TJP2: variants seen among roughly 807,000 people sequenced by gnomAD.
TJP2 encodes tight junction protein 2, also known as Friedreich ataxia region gene X104 (tight junction protein ZO-2).
Under a neutral mutation model 133.1 loss-of-function variants are expected in TJP2, and 91 were observed. That is an observed-to-expected ratio of 0.68 (90% CI 0.58 to 0.81). The LOEUF (loss-of-function observed/expected upper bound fraction) is 0.81, where lower values mean the gene tolerates loss of function less well. Among genes scored for constraint, TJP2 ranks in the 40% least tolerant of loss-of-function variants. TJP2 has a pLI of 0.00. For missense variants in TJP2, 1,541 were observed against 1,565.6 expected (o/e 0.98, Z 0.26); for synonymous variants, 592 against 583.4 (o/e 1.01, Z -0.21).
chr9:69,202,000 T>C (rs963772833), intron 1 of TJP2, among the ~76,000 whole-genome samples: 2 of 152,126 alleles, frequency 1.3e-5, no homozygotes, highest in Non-Finnish European at 2.9e-5. Flanking sequence ...TGAGTTTCAG[T>C]TTTGCAAGAT....
At chr9:69,229,140 T>C (rs1829571452) in intron 9 of TJP2, 44 bp from the exon 10 acceptor site, 2 of 1,569,098 alleles carry the variant, frequency 1.3e-6, no homozygotes, top group African/African-American at 1.4e-5. Flanking sequence ...AAACGCACTC[T>C]TGTTAGTCCA....
upstream of TJP2, chr9:69,121,338 C>T (rs980326595): frequency 6.7e-5 from 66 of 985,400 alleles, no homozygotes; most frequent in Non-Finnish European, 7.7e-5. Context: ...GCTCGCGCGC[C>T]CAGAACCCTC....
intron 1 of TJP2, among the ~76,000 whole-genome samples, chr9:69,135,052 C>T (rs1822670495): frequency 6.6e-5 from 10 of 151,930 alleles, no homozygotes; most frequent in Admixed American, 6.6e-4. Context: ...TCATGAGAGT[C>T]CCACCCTCAT....
At chr9:69,159,498 ACT>A (rs1445486835) in intron 2 of TJP2, among the ~76,000 whole-genome samples, 3 of 152,188 alleles carry the variant, frequency 2.0e-5, no homozygotes, top group Non-Finnish European at 4.4e-5. Context: ...AAAATAATTA[ACT>A]CTGTCAATAC....
At chr9:69,253,094 G>T (rs776005313) in intron 22 of TJP2, 194 bp downstream of exon 22, 31 of 618,436 alleles carry the variant, frequency 5.0e-5, no homozygotes, top group Non-Finnish European at 8.7e-5. Context: ...TAGTTTGCTT[G>T]TGTGCTAAAA....
Position 69,228,054 on chromosome 9 carries a change from A to G in TJP2, c.1393A>G (p.Ile465Val), listed in dbSNP as rs1044664194. ...CACTCCCTTTAAGTCCACAGGGGAT[A>G]TTGCAGGCACAGTTGTCCCAGAGAC... ...TPTPFKSTGD[I>V]AGTVVPETNK... Residue 465 changes from isoleucine to valine, a missense_variant, in exon 9 of 23, where the codon ATT becomes GTT. Physicochemically the swap from Ile to Val is conservative, Grantham distance 29. Transcript: ENST00000377245. 35 of 1,613,934 alleles carry G rather than the reference A, an allele frequency of 2.2e-5. No homozygotes were observed. Among genetic ancestry groups the G allele is most frequent in the Non-Finnish European group, 2.6e-5 (31 of 1,179,998 alleles).
At chr9:69,183,892 A>C (rs1158634954) in intron 1 of TJP2, among the ~76,000 whole-genome samples, 1 of 152,050 alleles carries the variant, frequency 6.6e-6, no homozygotes, top group East Asian at 1.9e-4. Flanking sequence ...GCGCCACTAC[A>C]CCTAGCTAAT....
At chr9:69,218,422 A>G in intron 4 of TJP2, 63 bp downstream of exon 4, 5 of 1,205,818 alleles carry the variant, frequency 4.1e-6, no homozygotes, top group Non-Finnish European at 4.9e-6. Context: ...CCAGAAGAAA[A>G]TTACCCCTTG....
chr9:69,143,956 A>G (rs2133303576), intron 1 of TJP2, among the ~76,000 whole-genome samples: 1 of 152,336 alleles, frequency 6.6e-6, no homozygotes, highest in Non-Finnish European at 1.5e-5. Flanking sequence ...AAAAGATATT[A>G]GTTCTCAAGG....
At chr9:69,171,978 G>C (rs889592342), upstream of TJP2, among the ~76,000 whole-genome samples, 3 of 151,954 alleles carry the variant, frequency 2.0e-5, no homozygotes, top group African/African-American at 7.3e-5. Flanking sequence ...GTTATTTTTA[G>C]TAGAGACGGG....
At chr9:69,137,287 C>CCT (rs1822803662) in intron 1 of TJP2, among the ~76,000 whole-genome samples, 27 of 88,230 alleles carry the variant, frequency 3.1e-4, no homozygotes, top group Admixed American at 1.7e-3. Flanking sequence ...TTCTTTCTTT[C>CCT]TTTCTTTCTT....
intron 1 of TJP2, among the ~76,000 whole-genome samples, chr9:69,137,096 T>C (rs868105985): frequency 5.9e-5 from 9 of 152,158 alleles, no homozygotes; most frequent in Non-Finnish European, 1.3e-4. Context: ...CCCTGAATTA[T>C]GTGGCTCGAG....
intron 17 of TJP2, among the ~76,000 whole-genome samples, chr9:69,240,746 G>A (rs1830524587): frequency 6.6e-6 from 1 of 151,596 alleles, no homozygotes; most frequent in Admixed American, 6.6e-5. Flanking sequence ...AAGCTGCAGT[G>A]AGCTGTGATG....
intron 10 of TJP2, among the ~76,000 whole-genome samples, chr9:69,229,475 C>T (rs1343506891): frequency 1.3e-5 from 2 of 152,214 alleles, no homozygotes; most frequent in African/African-American, 4.8e-5. Flanking sequence ...GTCTGTTTAC[C>T]TACCTATCTA....
At chr9:69,210,230 A>G (rs1012990269) in intron 1 of TJP2, among the ~76,000 whole-genome samples, 1 of 145,406 alleles carries the variant, frequency 6.9e-6, no homozygotes, top group Non-Finnish European at 1.5e-5. Flanking sequence ...CAGAGGTTGC[A>G]GTGAACCTAG....
chr9:69,205,962 CA>C (rs1310933331), intron 1 of TJP2, among the ~76,000 whole-genome samples: 1 of 151,640 alleles, frequency 6.6e-6, no homozygotes, highest in Non-Finnish European at 1.5e-5. Context: ...CAAGATTTTT[CA>C]AAGGAAAAAA....
intron 2 of TJP2, among the ~76,000 whole-genome samples, chr9:69,157,837 C>T (rs965599051): frequency 6.6e-6 from 1 of 152,100 alleles, no homozygotes. Flanking sequence ...CTTTTTTACT[C>T]ATGAACCAAC....
chr9:69,250,884 G>C, intron 20 of TJP2, 151 bp from the exon 21 acceptor site: 2 of 863,726 alleles, frequency 2.3e-6, no homozygotes, highest in Non-Finnish European at 3.8e-6. Context: ...GCCAGTGGCT[G>C]TTTGCCCTGC....
At chr9:69,131,385 A>G (rs541906571) in intron 1 of TJP2, among the ~76,000 whole-genome samples, 1 of 152,284 alleles carries the variant, frequency 6.6e-6, no homozygotes, top group South Asian at 2.1e-4. Context: ...GAAATCCAAG[A>G]AGGGCAGTGG....
Sources: allele counts gnomAD v4.1 joint callset (sites outside exome capture counted in the v4.1 genomes callset), GRCh38; gene constraint gnomAD v4.1.1; transcripts MANE v1.5; gene names NCBI Gene and HGNC (gene_info 2026-07-23, HGNC 2026-07-21).